Variants in OTUD7A observed in about 807,000 individuals in gnomAD.
OTUD7A encodes the protein OTU domain-containing protein 7A.
In OTUD7A, 12 loss-of-function variants were observed where a neutral mutation model predicts 65.7. The observed-to-expected ratio is 0.18, with a 90% CI of 0.12 to 0.30. OTUD7A has a LOEUF of 0.30. OTUD7A is among the 10% of genes least tolerant of loss of function. The pLI, the probability that OTUD7A is intolerant of heterozygous loss-of-function variation, is 1.00. For missense variants in OTUD7A, 1,148 were observed against 1,304.8 expected (o/e 0.88, Z 1.85); for synonymous variants, 641 against 586.3 (o/e 1.09, Z -1.35).
At chr15:31,686,798 A>C (rs11629959) in intron 1 of OTUD7A, among the ~76,000 whole-genome samples, 8 of 152,220 alleles carry the variant, frequency 5.3e-5, no homozygotes, top group Non-Finnish European at 1.0e-4. Context: ...GCCAACAGAA[A>C]GCATGTCATT....
At position 31,516,620 on chromosome 15, in the gene OTUD7A, C is replaced by A. The variant is rs977980237; in HGVS notation, c.893+9729G>T. ...TGGGCATTAGAAGTAGAACACCACA[C>A]CCAAAGACCCAAGCTGGTGGCCAGA... On this transcript the variant is annotated intron_variant, in intron 8 of 12. Transcript: ENST00000307050. Among the ~76,000 whole-genome samples, 5 of 152,196 alleles carry A rather than the reference C, an allele frequency of 3.3e-5. No homozygotes were observed. The East Asian group carries it at 9.6e-4, about 29-fold the overall frequency.
In OTUD7A at chr15:31,503,810, T is replaced by C. The variant is rs938486951; in HGVS notation, c.902A>G (p.Asn301Ser). 2 of 1,613,916 alleles carry C rather than the reference T, an allele frequency of 1.2e-6. No homozygotes were observed. The highest frequency in any genetic ancestry group is 1.7e-6 in the Non-Finnish European group (2 of 1,179,960). ...GCTCTCGTACACGGGGTCCTCAGAGTTGTCCACACTGTGAAACAAAACAGA... is the reference window on the plus strand; with the variant it reads ...GCTCTCGTACACGGGGTCCTCAGAGCTGTCCACACTGTGAAACAAAACAGA... Reference protein sequence around the residue: ...KNGGTGGGVDNSEDPVYESLE... With the variant: ...KNGGTGGGVDSSEDPVYESLE... The change falls in exon 9 of 13, where the codon AAC (asparagine) becomes AGC (serine). Residue 301 changes from asparagine (N) to serine (S), a missense_variant. Asn to Ser is a conservative substitution (Grantham distance 46, BLOSUM62 1). Coordinates refer to ENST00000307050, the MANE Select transcript of OTUD7A (RefSeq NM_001382637.1).
chr15:31,503,485 C>T lies in OTUD7A; in HGVS notation c.1021+206G>A, dbSNP rs546267217. On this transcript the variant is annotated intron_variant, in intron 9 of 12. Transcript: ENST00000307050. Reference sequence around the variant, plus strand: ...CTCACATGACCAGATTTCTCCTGGCCACCTGCCGTTGATAGGCAGGGCAGC... The same window carrying T: ...CTCACATGACCAGATTTCTCCTGGCTACCTGCCGTTGATAGGCAGGGCAGC... Among the ~76,000 whole-genome samples, 21 of 152,310 alleles carry T rather than the reference C, an allele frequency of 1.4e-4. No homozygotes were observed. The South Asian group carries it at 4.2e-3, about 30-fold the overall frequency.
At chr15:31,760,788 A>C (rs781687297) in intron 1 of OTUD7A, among the ~76,000 whole-genome samples, 36 of 152,198 alleles carry the variant, frequency 2.4e-4, no homozygotes, top group Non-Finnish European at 3.7e-4. Flanking sequence ...ACATTTTCTG[A>C]CTTTAAAATT....
At chr15:31,722,860 C>A (rs1437129617) in intron 1 of OTUD7A, among the ~76,000 whole-genome samples, 1 of 152,244 alleles carries the variant, frequency 6.6e-6, no homozygotes, top group African/African-American at 2.4e-5. Flanking sequence ...GGATTTCCAA[C>A]TGGCTGTCAA....
intron 10 of OTUD7A, among the ~76,000 whole-genome samples, chr15:31,491,563 G>A (rs8037203): frequency 0.32 from 48,451 of 151,810 alleles, 8,052 homozygotes; most frequent in African/African-American, 0.43. Flanking sequence ...CCCAGAAGAG[G>A]GAAAGAACAA....
Position 31,479,083 on chromosome 15 carries a change from G to C in OTUD7A, c.*4211C>G, listed in dbSNP as rs2041071757. 1 of 152,296 alleles carries C rather than the reference G, an allele frequency of 6.6e-6. No individual in the cohort carries two copies. Among genetic ancestry groups the C allele is most frequent in the Non-Finnish European group, 1.5e-5 (1 of 68,126 alleles). The allele number at this position is 152,296 out of a possible 1,614,324, so 9.4% of individuals were successfully genotyped here. ...TTTAGAGTCAGGAGTAAATGGGAAG[G>C]TGGTGCCTCAGATCTCTAGAGAGCC... is the stretch of plus-strand genomic sequence containing the variant. On this transcript the variant is annotated 3_prime_UTR_variant, in exon 13 of 13. Transcript: ENST00000307050.
chr15:31,664,447 G>A (rs1892262477), intron 1 of OTUD7A, among the ~76,000 whole-genome samples: 1 of 151,692 alleles, frequency 6.6e-6, no homozygotes, highest in Non-Finnish European at 1.5e-5. Flanking sequence ...CATGTTTGTT[G>A]GCCATTTGTA....
At position 31,806,405 on chromosome 15, in the gene OTUD7A, C is replaced by T. The variant is rs540640893; in HGVS notation, c.-100+64102G>A. Among the ~76,000 whole-genome samples, 12 of 152,334 alleles carry T rather than the reference C, an allele frequency of 7.9e-5. No individual in the cohort carries two copies. In the South Asian group the frequency reaches 2.5e-3, roughly 32 times the overall value. ...CACATTTAAGAAGAGATCATCCAAG[C>T]CAGCCTCTTATAATCACTGGAAAAT... On this transcript the variant is annotated intron_variant, in intron 1 of 12. Transcript: ENST00000307050.
chr15:31,815,778 C>T (rs576798110), intron 1 of OTUD7A, among the ~76,000 whole-genome samples: 5 of 152,324 alleles, frequency 3.3e-5, no homozygotes, highest in South Asian at 4.1e-4. Context: ...AAAGTTGTGT[C>T]GTGACACATA....
At position 31,478,654 on chromosome 15, in the gene OTUD7A, G is replaced by A. The variant is rs181085191; in HGVS notation, c.*4640C>T. The A allele has an allele frequency of 8.5e-5, 13 of 152,298 alleles. No individual in the cohort carries two copies. Among genetic ancestry groups the A allele is most frequent in the Admixed American group, 6.5e-4 (10 of 15,306 alleles). The allele number at this position is 152,298 out of a possible 1,614,324, so 9.4% of individuals were successfully genotyped here. ...CTGTTGTTCCCAAGGGGTCCCTGCAGGGCATCTCCCTCGCTCTTTTCTGCT... is the reference window on the plus strand; with the variant it reads ...CTGTTGTTCCCAAGGGGTCCCTGCAAGGCATCTCCCTCGCTCTTTTCTGCT... On this transcript the variant is annotated 3_prime_UTR_variant, in exon 13 of 13. Coordinates refer to ENST00000307050, the MANE Select transcript of OTUD7A (RefSeq NM_001382637.1).
intron 1 of OTUD7A, among the ~76,000 whole-genome samples, chr15:31,802,161 G>A (rs1163344331): frequency 6.8e-6 from 1 of 146,174 alleles, no homozygotes; most frequent in Non-Finnish European, 1.5e-5. Context: ...ATATGTAAAG[G>A]GGAGTTTATT....
chr15:31,565,158 A>T lies in OTUD7A; in HGVS notation c.331+4860T>A, dbSNP rs535435482. The stretch of plus-strand genomic sequence containing the variant: ...AACAGTTGAGAATAATCCAAGATAT[A>T]GATTCAATATAGCTTGAATAATAGG... On this transcript the variant is annotated intron_variant, in intron 4 of 12. Coordinates refer to ENST00000307050, the MANE Select transcript of OTUD7A (RefSeq NM_001382637.1). Among the ~76,000 whole-genome samples, 3 of 152,352 alleles carry T rather than the reference A, an allele frequency of 2.0e-5. No homozygotes were observed. The East Asian group carries it at 5.8e-4, about 29-fold the overall frequency.
chr15:31,734,713 T>C (rs1362177118), intron 1 of OTUD7A, among the ~76,000 whole-genome samples: 5 of 151,848 alleles, frequency 3.3e-5, no homozygotes, highest in Non-Finnish European at 5.9e-5. Context: ...TATGGAAGAT[T>C]GAAACTGAAC....
intron 1 of OTUD7A, among the ~76,000 whole-genome samples, chr15:31,686,757 G>C (rs1892846170): frequency 6.6e-6 from 1 of 152,282 alleles, no homozygotes; most frequent in South Asian, 2.1e-4. Context: ...AACCCCACAG[G>C]GCCATCCCTT....
intron 1 of OTUD7A, among the ~76,000 whole-genome samples, chr15:31,711,715 TC>T (rs1893451772): frequency 2.2e-5 from 3 of 136,590 alleles, no homozygotes; most frequent in Non-Finnish European, 4.7e-5. Context: ...ATACTGAGGT[TC>T]AAAGAACATA....
rs191777307 is a variant in OTUD7A at position 31,738,924 on chromosome 15, C to T, written c.-99-81847G>A. ...GGATTCCCACACCATGCCAGGATTC[C>T]TGTAAATGCCACATGGCATCAGATC... On this transcript the variant is annotated intron_variant, in intron 1 of 12. Transcript: ENST00000307050. Among the ~76,000 whole-genome samples, 8 of 152,322 alleles carry T rather than the reference C, an allele frequency of 5.3e-5. No homozygotes were observed. The East Asian group carries it at 1.5e-3, about 29-fold the overall frequency.
chr15:31,748,548 G>A (rs1029178168), intron 1 of OTUD7A, among the ~76,000 whole-genome samples: 4 of 151,958 alleles, frequency 2.6e-5, no homozygotes, highest in Non-Finnish European at 4.4e-5. Flanking sequence ...GGTCCTTTGT[G>A]TCATTTTTGC....
At chr15:31,535,071 C>T (rs1176393139) in intron 5 of OTUD7A, among the ~76,000 whole-genome samples, 6 of 152,150 alleles carry the variant, frequency 3.9e-5, no homozygotes, top group African/African-American at 1.2e-4. Context: ...TGTAAAAAGG[C>T]ACAATTATTT....
Sources: gnomAD v4.1 joint callset for allele counts (sites outside exome capture counted in the v4.1 genomes callset) on GRCh38, gnomAD v4.1.1 for gene constraint, MANE v1.5 for transcripts, NCBI Gene and HGNC (gene_info 2026-07-23, HGNC 2026-07-21) for gene names.